Variants in CTNNA3 observed in about 807,000 individuals in gnomAD.
The protein encoded by CTNNA3 is catenin alpha-3.
CTNNA3 carries 76 observed loss-of-function variants against 95.7 expected under a neutral mutation model. The observed-to-expected ratio is 0.79, with a 90% confidence interval of 0.66 to 0.96. The LOEUF (loss-of-function observed/expected upper bound fraction) is 0.96. CTNNA3 is among the 40% of genes least tolerant of loss of function. The pLI is 0.00. For missense variants in CTNNA3, 1,191 were observed against 1,089.8 expected (o/e 1.09, Z -1.31); for synonymous variants, 431 against 374.4 (o/e 1.15, Z -1.74).
chr10:66,964,294 G>A (rs181294220), intron 7 of CTNNA3, among the ~76,000 whole-genome samples: 44 of 144,976 alleles, frequency 3.0e-4, no homozygotes, highest in Middle Eastern at 7.0e-3. Context: ...TTTTTTTTCC[G>A]CATTTCAATC....
intron 9 of CTNNA3, among the ~76,000 whole-genome samples, chr10:66,736,004 A>G (rs1276258622): frequency 6.6e-6 from 1 of 152,106 alleles, no homozygotes; most frequent in Non-Finnish European, 1.5e-5. Flanking sequence ...CTGATCCTTC[A>G]GTCAGCATCC....
chr10:66,328,824 G>A (rs2092287685), intron 12 of CTNNA3, among the ~76,000 whole-genome samples: 1 of 149,200 alleles, frequency 6.7e-6, no homozygotes, highest in Non-Finnish European at 1.5e-5. Context: ...CCAAGGGCAG[G>A]AGAAATGTGA....
Position 65,986,798 on chromosome 10 carries a change from G to T in CTNNA3, c.2265+1894C>A, listed in dbSNP as rs548376494. 4.0e-5 allele frequency among the ~76,000 whole-genome samples: 6 copies of T among 151,462 alleles called. No individual in the cohort carries two copies. The East Asian group carries it at 9.7e-4, about 24-fold the overall frequency. On this transcript the variant is annotated intron_variant, in intron 16 of 17. Transcript: ENST00000433211. ...CAAAGCTGGAAACATCACACGACCT[G>T]GCTTCAAAATATGTTACAAAGATAT...
intron 5 of CTNNA3, among the ~76,000 whole-genome samples, chr10:67,518,346 T>C (rs145897737): frequency 6.6e-6 from 1 of 152,210 alleles, no homozygotes; most frequent in African/African-American, 2.4e-5. Context: ...TAAAGAATGA[T>C]TTAAGTATGT....
At chr10:66,819,053 G>A (rs1209675180) in intron 7 of CTNNA3, among the ~76,000 whole-genome samples, 1 of 143,040 alleles carries the variant, frequency 7.0e-6, no homozygotes, top group South Asian at 2.2e-4. Context: ...TCGCACCATC[G>A]CACTCCAGAG....
chr10:66,329,278 C>T lies in CTNNA3; in HGVS notation c.1733-48657G>A, dbSNP rs540256132. On this transcript the variant is annotated intron_variant, in intron 12 of 17. Coordinates refer to ENST00000433211, the MANE Select transcript of CTNNA3 (RefSeq NM_013266.4). ...GAGGGATGAATTCTTACTTCCTCTG[C>T]CTTTTGCTCTATTCTGGGACCTCAA... Among the ~76,000 whole-genome samples, 132 of 151,934 alleles carry T rather than the reference C, an allele frequency of 8.7e-4. 1 individual carries two copies. The highest frequency in any genetic ancestry group is 9.3e-4 in the Non-Finnish European group (63 of 67,902).
At chr10:66,622,919 G>T (rs1315315125) in intron 9 of CTNNA3, among the ~76,000 whole-genome samples, 1 of 151,774 alleles carries the variant, frequency 6.6e-6, no homozygotes, top group Non-Finnish European at 1.5e-5. Flanking sequence ...ATAACTCCTC[G>T]GTTTTCATTC....
At position 66,455,341 on chromosome 10, in the gene CTNNA3, T is replaced by C. The variant is rs2093488853; in HGVS notation, c.1531+65276A>G. ...CTGTCCCTATTTACAAGTGATATGA[T>C]CATCTACATAGAAATCCCAAGAAAT... On this transcript the variant is annotated intron_variant, in intron 11 of 17. Transcript: ENST00000433211. 3.9e-5 allele frequency among the ~76,000 whole-genome samples: 6 copies of C among 152,148 alleles called. No homozygotes were observed. The South Asian group carries it at 1.2e-3, about 32-fold the overall frequency.
Position 66,811,645 on chromosome 10 carries a change from AC to A in CTNNA3, c.1048-36122del, listed in dbSNP as rs1376834197. Among the ~76,000 whole-genome samples the A allele has an allele frequency of 2.0e-5, 3 of 152,228 alleles. No individual in the cohort carries two copies. In the East Asian group the frequency reaches 5.8e-4, roughly 29 times the overall value. ...ATACTAGTCCTAGGTCATTGGAATAACCAAAAAAGCCCTCACTCATTTACAA... is the reference window on the plus strand; with the variant it reads ...ATACTAGTCCTAGGTCATTGGAATAACAAAAAAGCCCTCACTCATTTACAA... On this transcript the variant is annotated intron_variant, in intron 7 of 17. Coordinates refer to ENST00000433211, the MANE Select transcript of CTNNA3 (RefSeq NM_013266.4).
intron 1 of CTNNA3, among the ~76,000 whole-genome samples, chr10:67,653,779 C>T (rs914529614): frequency 3.3e-5 from 5 of 152,150 alleles, no homozygotes; most frequent in African/African-American, 1.2e-4. Context: ...TCCCCACCCC[C>T]TATCCTCATG....
At chr10:66,094,479 C>T (rs1431777626) in intron 14 of CTNNA3, among the ~76,000 whole-genome samples, 1 of 152,000 alleles carries the variant, frequency 6.6e-6, no homozygotes, top group Non-Finnish European at 1.5e-5. Flanking sequence ...AAACTGATGG[C>T]AGGAGACAAG....
At chr10:66,392,055 A>G (rs2132532557) in intron 11 of CTNNA3, among the ~76,000 whole-genome samples, 1 of 135,276 alleles carries the variant, frequency 7.4e-6, no homozygotes, top group East Asian at 2.5e-4. Flanking sequence ...CCAAAAACAT[A>G]ATTAACAATT....
chr10:66,107,923 A>G (rs947559224), intron 13 of CTNNA3, among the ~76,000 whole-genome samples: 2 of 152,152 alleles, frequency 1.3e-5, no homozygotes, highest in East Asian at 3.9e-4. Flanking sequence ...TCTAAACCAT[A>G]CACATGACTT....
intron 13 of CTNNA3, among the ~76,000 whole-genome samples, chr10:66,106,262 C>T (rs1280185041): frequency 6.6e-6 from 1 of 151,354 alleles, no homozygotes; most frequent in Non-Finnish European, 1.5e-5. Context: ...ATAGAGTACC[C>T]TAGATCATGC....
intron 7 of CTNNA3, among the ~76,000 whole-genome samples, chr10:66,924,078 C>T (rs1846933737): frequency 6.6e-6 from 1 of 152,148 alleles, no homozygotes; most frequent in Non-Finnish European, 1.5e-5. Flanking sequence ...CTTATTTCAT[C>T]AGAGACTATT....
chr10:67,150,210 T>C (rs1044776551), intron 7 of CTNNA3, among the ~76,000 whole-genome samples: 6 of 152,194 alleles, frequency 3.9e-5, no homozygotes, highest in African/African-American at 7.2e-5. Context: ...GCTAAACTTA[T>C]TAATGCTTAA....
intron 15 of CTNNA3, among the ~76,000 whole-genome samples, chr10:66,001,700 T>C (rs1012158428): frequency 2.0e-5 from 3 of 152,018 alleles, no homozygotes; most frequent in Non-Finnish European, 4.4e-5. Context: ...CTTTTACAAA[T>C]AATTATATTT....
chr10:67,741,329 A>C (rs937040272), intron 1 of CTNNA3, among the ~76,000 whole-genome samples: 1 of 147,708 alleles, frequency 6.8e-6, no homozygotes, highest in Non-Finnish European at 1.5e-5. Context: ...ATAAAAAAAT[A>C]AAAAATAAAA....
chr10:67,644,712 A>C (rs1399261785), intron 2 of CTNNA3, among the ~76,000 whole-genome samples: 1 of 151,978 alleles, frequency 6.6e-6, no homozygotes, highest in Non-Finnish European at 1.5e-5. Flanking sequence ...AGTTAAATAG[A>C]ATTCTGCTTT....
Sources: allele counts gnomAD v4.1 joint callset (sites outside exome capture counted in the v4.1 genomes callset), GRCh38; gene constraint gnomAD v4.1.1; transcripts MANE v1.5; gene names NCBI Gene and HGNC (gene_info 2026-07-23, HGNC 2026-07-21).